Variants in THSD7B observed in about 807,000 individuals in gnomAD.
The protein encoded by THSD7B is thrombospondin type-1 domain-containing protein 7B.
In THSD7B, 138 loss-of-function variants were observed where a neutral mutation model predicts 213.6. The ratio of observed to expected loss-of-function variants is 0.65; its 90% CI spans 0.56 to 0.74. THSD7B has a LOEUF of 0.74. Among genes scored for constraint, THSD7B ranks in the 30% least tolerant of loss-of-function variants. The pLI is 0.00. For missense variants in THSD7B, 1,931 were observed against 1,991.5 expected (o/e 0.97, Z 0.58); for synonymous variants, 742 against 687.0 (o/e 1.08, Z -1.25).
chr2:137,326,487 A>G (rs982736694), intron 12 of THSD7B, among the ~76,000 whole-genome samples: 1 of 152,208 alleles, frequency 6.6e-6, no homozygotes, highest in Non-Finnish European at 1.5e-5. Flanking sequence ...AATGTAAAAA[A>G]AACTTCAAAG....
intron 7 of THSD7B, among the ~76,000 whole-genome samples, chr2:137,218,794 A>G (rs1681304029): frequency 6.6e-6 from 1 of 151,990 alleles, no homozygotes; most frequent in Non-Finnish European, 1.5e-5. Context: ...TATCTTTCCA[A>G]TATTCATGTG....
intron 5 of THSD7B, among the ~76,000 whole-genome samples, chr2:137,145,813 C>T (rs10490738): frequency 0.19 from 28,733 of 151,944 alleles, 3,349 homozygotes; most frequent in South Asian, 0.42. Context: ...TATGTAATAA[C>T]GCTTTCAGAA....
chr2:137,411,017 A>T (rs1278621892), intron 13 of THSD7B, among the ~76,000 whole-genome samples: 1 of 152,242 alleles, frequency 6.6e-6, no homozygotes, highest in Non-Finnish European at 1.5e-5. Flanking sequence ...AGGTAAAGTC[A>T]TATTTCAGAA....
intron 10 of THSD7B, among the ~76,000 whole-genome samples, chr2:137,266,309 A>C (rs1156952999): frequency 6.6e-6 from 1 of 152,204 alleles, no homozygotes; most frequent in Non-Finnish European, 1.5e-5. Flanking sequence ...TCAAACAAAT[A>C]ACCTAAAGTC....
At chr2:136,949,712 A>G (rs1021176677) in intron 2 of THSD7B, among the ~76,000 whole-genome samples, 4 of 152,172 alleles carry the variant, frequency 2.6e-5, no homozygotes, top group Admixed American at 2.6e-4. Context: ...GCACCCCCAG[A>G]GTTTCTGATT....
At chr2:137,102,153 T>A (rs1208415789) in intron 4 of THSD7B, among the ~76,000 whole-genome samples, 5 of 152,126 alleles carry the variant, frequency 3.3e-5, no homozygotes, top group Non-Finnish European at 5.9e-5. Flanking sequence ...CCAACTGGCA[T>A]CTGGTGGGTG....
At chr2:136,799,765 T>C (rs1682142448) in intron 1 of THSD7B, among the ~76,000 whole-genome samples, 1 of 152,000 alleles carries the variant, frequency 6.6e-6, no homozygotes, top group Non-Finnish European at 1.5e-5. Context: ...ACTTTTTCAA[T>C]GGGATCAACA....
intron 15 of THSD7B, among the ~76,000 whole-genome samples, chr2:137,557,761 A>T (rs1278916908): frequency 1.3e-5 from 2 of 152,072 alleles, no homozygotes; most frequent in African/African-American, 2.4e-5. Flanking sequence ...CTTCAAAAAA[A>T]CAATGAATCC....
chr2:137,238,191 A>G (rs562012148), intron 9 of THSD7B, among the ~76,000 whole-genome samples: 10 of 152,172 alleles, frequency 6.6e-5, no homozygotes, highest in African/African-American at 2.4e-4. Flanking sequence ...GATATTAGCA[A>G]CTCTCTATAG....
At chr2:137,097,175 A>G (rs1158207999) in intron 4 of THSD7B, among the ~76,000 whole-genome samples, 2 of 147,022 alleles carry the variant, frequency 1.4e-5, no homozygotes, top group Non-Finnish European at 3.0e-5. Context: ...GATAGCTAAT[A>G]TTCTCTACCT....
chr2:137,477,356 A>G (rs189824937), intron 15 of THSD7B, among the ~76,000 whole-genome samples: 4 of 152,282 alleles, frequency 2.6e-5, no homozygotes, highest in Non-Finnish European at 4.4e-5. Context: ...TGCATATAAT[A>G]TCTTTTTCCA....
chr2:137,412,942 C>T (rs929330252), intron 14 of THSD7B, among the ~76,000 whole-genome samples: 12 of 149,020 alleles, frequency 8.1e-5, no homozygotes, highest in African/African-American at 2.2e-4. Flanking sequence ...AGTCTAGAAA[C>T]AAATGGGTAG....
intron 10 of THSD7B, among the ~76,000 whole-genome samples, chr2:137,270,467 A>G (rs990898035): frequency 3.3e-5 from 5 of 152,186 alleles, no homozygotes; most frequent in Admixed American, 3.3e-4. Context: ...ATTCAAAATG[A>G]TAGGAAAGGA....
intron 15 of THSD7B, among the ~76,000 whole-genome samples, chr2:137,529,396 T>C (rs1470422104): frequency 6.6e-6 from 1 of 152,010 alleles, no homozygotes; most frequent in Non-Finnish European, 1.5e-5. Context: ...TATTTTAAAA[T>C]ATAAGGGCTC....
At chr2:137,585,149 A>T (rs919181998) in intron 17 of THSD7B, among the ~76,000 whole-genome samples, 5 of 151,982 alleles carry the variant, frequency 3.3e-5, no homozygotes, top group African/African-American at 9.7e-5. Flanking sequence ...GTATTCTCTG[A>T]TGGTAGTTTG....
chr2:137,270,034 A>C lies in THSD7B; in HGVS notation c.2267-2499A>C, dbSNP rs762952571. ...ATGGTTTAGGACCTGGGCTAGTGAA[A>C]GTTAGAATCCATAAAGTTGATGGAG... On this transcript the variant is annotated intron_variant, in intron 10 of 27. Coordinates refer to ENST00000409968, the MANE Select transcript of THSD7B (RefSeq NM_001316349.2). Among the ~76,000 whole-genome samples, 92 of 152,184 alleles carry C rather than the reference A, an allele frequency of 6.0e-4. 2 individuals carry two copies. The highest frequency in any genetic ancestry group is 1.5e-4 in the Non-Finnish European group (10 of 68,032).
At chr2:137,396,223 T>C (rs1011605259) in intron 12 of THSD7B, among the ~76,000 whole-genome samples, 3 of 141,204 alleles carry the variant, frequency 2.1e-5, no homozygotes, top group Non-Finnish European at 3.1e-5. Context: ...ATGTGTTTGC[T>C]CTTGCTTTTC....
chr2:137,580,956 C>A (rs896748588), intron 17 of THSD7B, among the ~76,000 whole-genome samples: 7 of 152,126 alleles, frequency 4.6e-5, no homozygotes, highest in Non-Finnish European at 7.4e-5. Context: ...CCACTAGGCC[C>A]CACCTTCAAC....
chr2:137,577,480 G>T (rs539041219), intron 17 of THSD7B, among the ~76,000 whole-genome samples: 2 of 151,984 alleles, frequency 1.3e-5, no homozygotes, highest in Admixed American at 1.3e-4. Flanking sequence ...ATTTCCATCT[G>T]TCTCTCCCTT....
Sources: gnomAD v4.1 joint callset for allele counts (sites outside exome capture counted in the v4.1 genomes callset) on GRCh38, gnomAD v4.1.1 for gene constraint, MANE v1.5 for transcripts, NCBI Gene and HGNC (gene_info 2026-07-23, HGNC 2026-07-21) for gene names.